The following AMOTL2 variants were observed in gnomAD, a reference collection of about 807,000 sequenced individuals.
AMOTL2 encodes the protein angiomotin-like protein 2.
In AMOTL2, 33 loss-of-function variants were observed where a neutral mutation model predicts 78.4. The observed-to-expected ratio is 0.42, with a 90% CI of 0.32 to 0.56. AMOTL2 has a LOEUF of 0.56. Ranked by LOEUF, AMOTL2 falls within the 20% of genes least tolerant of loss-of-function variation. The probability of loss-of-function intolerance (pLI) is 0.12; values close to 1 mark genes in which losing one functional copy is unlikely to be tolerated. For missense variants in AMOTL2, 983 were observed against 1,030.1 expected (o/e 0.95, Z 0.63); for synonymous variants, 422 against 428.8 (o/e 0.98, Z 0.20).
chr3:134,373,505 C>G (rs1455654922), intron 1 of AMOTL2: 7 of 985,440 alleles, frequency 7.1e-6, no homozygotes, highest in East Asian at 2.3e-4. Context: ...TCCGCGCCCC[C>G]GGCCGCGAAC....
chr3:134,358,776 G>A, intron 8 of AMOTL2, 57 bp from the exon 9 acceptor site: 2 of 1,598,848 alleles, frequency 1.3e-6, no homozygotes, highest in Non-Finnish European at 1.7e-6. Flanking sequence ...CCTGGTGAAG[G>A]ACACTCTAAG....
intron 1 of AMOTL2, among the ~76,000 whole-genome samples, chr3:134,373,022 T>A (rs574480235): frequency 6.6e-6 from 1 of 152,174 alleles, no homozygotes; most frequent in Admixed American, 6.5e-5. Context: ...GGCTATGGCA[T>A]GTTGGCAGAG....
chr3:134,370,447 T>C (rs1292690130), intron 2 of AMOTL2, among the ~76,000 whole-genome samples: 1 of 152,224 alleles, frequency 6.6e-6, no homozygotes, highest in Non-Finnish European at 1.5e-5. Context: ...CTGGGGACTC[T>C]AGTTACTTGA....
Position 134,367,872 on chromosome 3 carries a change from G to A in AMOTL2, c.735-69C>T, listed in dbSNP as rs114366980. 6.8e-3 allele frequency: 9,962 copies of A among 1,463,446 alleles called. 553 individuals are homozygous for A. In the African/African-American group the frequency reaches 0.12, roughly 18 times the overall value. 90.7% of individuals were successfully genotyped at this position (1,463,446 alleles called of 1,614,324 possible). A position where few individuals can be genotyped will look rare whatever the true frequency, so the allele number is the denominator to read the frequency against. ...CATGGCTCCCACCAGAGCAGCCCGG[G>A]GTCACCCCACTCCTAGGCATACTGG... On this transcript the variant is annotated intron_variant, in intron 2 of 9. Transcript: ENST00000249883.
rs1169908673 is a variant in AMOTL2, at chr3:134,374,322, C to G, written c.-62+20G>C. ...CTGTGGCCTCGCGCGCTCTCCCGAG[C>G]GCCGAGCGGCCTTCCTTACCGCTGC... On this transcript the variant is annotated intron_variant, in intron 1 of 9. Coordinates refer to ENST00000249883, the MANE Select transcript of AMOTL2 (RefSeq NM_016201.4). 2.0e-6 allele frequency: 2 copies of G among 985,320 alleles called. No individual in the cohort carries two copies. The highest frequency in any genetic ancestry group is 6.1e-5 in the Admixed American group (1 of 16,278). 61.0% of individuals were successfully genotyped at this position (985,320 alleles called of 1,614,324 possible).
In AMOTL2 at chr3:134,357,696, C is replaced by T; in HGVS notation, c.*9G>A. The T allele has an allele frequency of 6.2e-7, 1 of 1,613,688 alleles. No individual in the cohort carries two copies. Among genetic ancestry groups the T allele is most frequent in the Non-Finnish European group, 8.5e-7 (1 of 1,179,596 alleles). On this transcript the variant is annotated 3_prime_UTR_variant, in exon 10 of 10. Coordinates refer to ENST00000249883, the MANE Select transcript of AMOTL2 (RefSeq NM_016201.4). ...GAGAATGGCTCAGAGTCCTGAAGCA[C>T]CACCTCCTTCAGATCAGTATCTCCA...
chr3:134,371,561 T>G (rs2017868205), intron 1 of AMOTL2, 67 bp from the exon 2 acceptor site: 1 of 1,482,670 alleles, frequency 6.7e-7, no homozygotes, highest in African/African-American at 1.4e-5. Flanking sequence ...AGGAGAAGGC[T>G]TTCCAGGATT....
Position 134,372,570 on chromosome 3 carries a change from C to T in AMOTL2, c.-61-1076G>A, listed in dbSNP as rs76962966. On this transcript the variant is annotated intron_variant, in intron 1 of 9. Coordinates refer to ENST00000249883, the MANE Select transcript of AMOTL2 (RefSeq NM_016201.4). ...ACACACACACACAAACACACACACA[C>T]GCTACTTGGAAAAGCCCCCACTGGT... 9.2e-3 allele frequency among the ~76,000 whole-genome samples: 1,136 copies of T among 123,112 alleles called. 47 individuals are homozygous for T. In the East Asian group the frequency reaches 0.13, roughly 14 times the overall value. The allele number at this position is 123,112 out of a possible 152,430, so 80.8% of individuals were successfully genotyped here. A position where few individuals can be genotyped will look rare whatever the true frequency, so the allele number is the denominator to read the frequency against.
chr3:134,375,247 C>T (rs1249465535), upstream of AMOTL2: 4 of 1,535,564 alleles, frequency 2.6e-6, no homozygotes, highest in South Asian at 3.6e-5. Context: ...TGATAATAGG[C>T]GCCCCTTTAC....
intron 2 of AMOTL2, among the ~76,000 whole-genome samples, chr3:134,368,064 G>A (rs1161425020): frequency 1.3e-5 from 2 of 152,186 alleles, no homozygotes; most frequent in Non-Finnish European, 2.9e-5. Context: ...TTAATGTCAG[G>A]ATGCTTGTTT....
chr3:134,357,394 T>C lies in AMOTL2; in HGVS notation c.*311A>G, dbSNP rs2017123323. Reference sequence around the variant, plus strand: ...GGCAGGGCAGAGGGAGCTCAGCTCCTTTCTGAGCTGTCAGTTGCTACCCCA... The same window carrying C: ...GGCAGGGCAGAGGGAGCTCAGCTCCCTTCTGAGCTGTCAGTTGCTACCCCA... On this transcript the variant is annotated 3_prime_UTR_variant, in exon 10 of 10. Coordinates refer to ENST00000249883, the MANE Select transcript of AMOTL2 (RefSeq NM_016201.4). 5.5e-6 allele frequency: 2 copies of C among 366,136 alleles called. No individual in the cohort carries two copies. Among genetic ancestry groups the C allele is most frequent in the Non-Finnish European group, 1.0e-5 (2 of 194,772 alleles). 22.7% of individuals were successfully genotyped at this position (366,136 alleles called of 1,614,324 possible).
chr3:134,359,234 C>T lies in AMOTL2; in HGVS notation c.2104+49G>A, dbSNP rs769304849. 1.9e-6 allele frequency: 3 copies of T among 1,593,854 alleles called. No homozygotes were observed. The African/African-American group carries it at 4.0e-5, about 21-fold the overall frequency. ...AAAGGTCTGGCAATCTGTGTTCAGGCCCAGGAGAAATTACCTCTCAATCTA... is the reference window on the plus strand; with the variant it reads ...AAAGGTCTGGCAATCTGTGTTCAGGTCCAGGAGAAATTACCTCTCAATCTA... On this transcript the variant is annotated intron_variant, in intron 8 of 9. Transcript: ENST00000249883.
rs766178441 is a variant in AMOTL2 at position 134,358,701 on chromosome 3, T to C, written c.2123A>G (p.Glu708Gly). 12 of 1,614,038 alleles carry C rather than the reference T, an allele frequency of 7.4e-6. No individual in the cohort carries two copies. Among genetic ancestry groups the C allele is most frequent in the Non-Finnish European group, 1.0e-5 (12 of 1,180,032 alleles). ...RLTTADRAPT[E>G]EPVVTAPPAA... The stretch of plus-strand genomic sequence containing the variant: ...AGGGGGAGCTGTGACCACTGGCTCC[T>C]CTGTGGGTGCTCTGTCTGCTGGAAA... The change falls in exon 9 of 10, where the codon GAG becomes GGG. Residue 708 changes from glutamate to glycine, a missense_variant. Physicochemically the swap from Glu to Gly is moderately conservative, Grantham distance 98. Coordinates refer to ENST00000249883, the MANE Select transcript of AMOTL2 (RefSeq NM_016201.4).
At chr3:134,367,125 G>A (rs1023695913) in intron 3 of AMOTL2, among the ~76,000 whole-genome samples, 1 of 152,102 alleles carries the variant, frequency 6.6e-6, no homozygotes, top group African/African-American at 2.4e-5. Context: ...GCCAGGGCTG[G>A]CCTGGAACAG....
chr3:134,370,884 A>G lies in AMOTL2; in HGVS notation c.550T>C (p.Phe184Leu). 1 of 1,611,172 alleles carries G rather than the reference A, an allele frequency of 6.2e-7. No homozygotes were observed. Among genetic ancestry groups the G allele is most frequent in the Non-Finnish European group, 8.5e-7 (1 of 1,178,406 alleles). The change falls in exon 2 of 10, where the codon TTC becomes CTC. Residue 184 changes from phenylalanine to leucine, a missense_variant. Coordinates refer to ENST00000249883, the MANE Select transcript of AMOTL2 (RefSeq NM_016201.4). ...APSHMSSSHS[F>L]PQLARNQQGP... ...TGCTGGTTGCGGGCCAGCTGTGGGA[A>G]GCTGTGGGAGGAGCTCATGTGGCTG...
At chr3:134,372,530 A>AACACACAC (rs58443336) in intron 1 of AMOTL2, among the ~76,000 whole-genome samples, 4,269 of 144,334 alleles carry the variant, frequency 0.03, 102 homozygotes, top group South Asian at 0.13. Context: ...TATCCTCCCC[A>AACACACAC]ACACACACAC....
intron 1 of AMOTL2, chr3:134,373,377 C>A (rs1026636505): frequency 1.3e-6 from 1 of 788,412 alleles, no homozygotes; most frequent in East Asian, 1.3e-4. Context: ...CCATAGTGTG[C>A]CCGGACTGGG....
chr3:134,371,495 C>T lies in AMOTL2; in HGVS notation c.-61-1G>A, dbSNP rs1559804569. The T allele has an allele frequency of 6.3e-7, 1 of 1,587,286 alleles. No individual in the cohort carries two copies. Among genetic ancestry groups the T allele is most frequent in the East Asian group, 2.2e-5 (1 of 44,496 alleles). Reference sequence around the variant, plus strand: ...CCGGTGGCACCTGGCCCCAGAGCACCTGGAGTGGGGTGGGGAGAGAGAGAG... The same window carrying T: ...CCGGTGGCACCTGGCCCCAGAGCACTTGGAGTGGGGTGGGGAGAGAGAGAG... On this transcript the variant is annotated splice_acceptor_variant, in intron 1 of 9. Coordinates refer to ENST00000249883, the MANE Select transcript of AMOTL2 (RefSeq NM_016201.4). LOFTEE classifies it low-confidence loss of function (5UTR_SPLICE).
At chr3:134,374,293 G>C (rs1277927143) in intron 1 of AMOTL2, 49 bp downstream of exon 1, 36 of 985,352 alleles carry the variant, frequency 3.7e-5, no homozygotes, top group Non-Finnish European at 4.0e-5. Flanking sequence ...GCTGGGGCAC[G>C]TTTCTGTGGC....
Sources: allele counts gnomAD v4.1 joint callset (sites outside exome capture counted in the v4.1 genomes callset), GRCh38; gene constraint gnomAD v4.1.1; transcripts MANE v1.5; gene names NCBI Gene and HGNC (gene_info 2026-07-23, HGNC 2026-07-21).